TES: variants seen among roughly 807,000 people sequenced by gnomAD.
TES encodes testin LIM domain protein, also known as testin.
Under a neutral mutation model 48.2 loss-of-function variants are expected in TES, and 41 were observed. That is an observed-to-expected ratio of 0.85 (90% CI 0.66 to 1.10). The LOEUF (loss-of-function observed/expected upper bound fraction) is 1.10, where lower values mean the gene tolerates loss of function less well. TES is among the 50% of genes least tolerant of loss of function. The pLI, the probability that TES is intolerant of heterozygous loss-of-function variation, is 0.00. For missense variants in TES, 463 were observed against 515.1 expected (o/e 0.90, Z 0.98); for synonymous variants, 162 against 174.9 (o/e 0.93, Z 0.58).
In TES at chr7:116,249,243, T is replaced by TGG; in HGVS notation, c.339_340dup (p.Ala114GlyfsTer25). On this transcript the variant is annotated frameshift_variant, in exon 3 of 7. Transcript: ENST00000358204. LOFTEE classifies it high-confidence loss of function. The stretch of plus-strand genomic sequence containing the variant: ...CTCCATCAATACAGTTACCTATGAG[T>TGG]GGGCTCCTCCTGTCCAGAATCAAGC... The TGG allele has an allele frequency of 6.2e-7, 1 of 1,614,092 alleles. No homozygotes were observed. The highest frequency in any genetic ancestry group is 8.5e-7 in the Non-Finnish European group (1 of 1,179,972).
chr7:116,228,493 CAT>C lies in TES; in HGVS notation c.28-6040_28-6039del, dbSNP rs554040447. Among the ~76,000 whole-genome samples the C allele has an allele frequency of 5.5e-4, 83 of 152,266 alleles. No individual in the cohort carries two copies. The South Asian group carries it at 5.6e-3, about 10-fold the overall frequency. On this transcript the variant is annotated intron_variant, in intron 1 of 6. Transcript: ENST00000358204. ...TTGAGACTTGTGCGCTTATGAAAAA[CAT>C]GTGTTTTTAGGCACTAAGTGTTGAG... is the stretch of plus-strand genomic sequence containing the variant.
intron 2 of TES, chr7:116,239,191 G>A (rs1799811922): frequency 6.6e-6 from 1 of 152,122 alleles, no homozygotes. Context: ...CATCTTCAAA[G>A]CCAGCACCAC....
intron 1 of TES, among the ~76,000 whole-genome samples, chr7:116,228,320 A>G (rs544243300): frequency 1.3e-5 from 2 of 152,204 alleles, no homozygotes; most frequent in Non-Finnish European, 2.9e-5. Context: ...CTTGATAGAT[A>G]GTCCCAAAGC....
At chr7:116,231,818 T>A (rs1203445525) in intron 1 of TES, among the ~76,000 whole-genome samples, 1 of 152,136 alleles carries the variant, frequency 6.6e-6, no homozygotes, top group Non-Finnish European at 1.5e-5. Context: ...TGGTCAGCTG[T>A]GAAGCAGCGC....
At chr7:116,225,640 A>T (rs1284209485) in intron 1 of TES, among the ~76,000 whole-genome samples, 1 of 152,210 alleles carries the variant, frequency 6.6e-6, no homozygotes, top group East Asian at 1.9e-4. Context: ...TTCTGGCTTT[A>T]TACATCTAAG....
intron 1 of TES, chr7:116,222,988 C>G (rs910787419): frequency 2.1e-5 from 21 of 985,000 alleles, no homozygotes; most frequent in Non-Finnish European, 2.4e-5. Context: ...CAGGAGGAGT[C>G]CTTTTCTGAG....
At chr7:116,215,741 G>A (rs1389174404) in intron 1 of TES, among the ~76,000 whole-genome samples, 1 of 152,050 alleles carries the variant, frequency 6.6e-6, no homozygotes, top group Admixed American at 6.6e-5. Flanking sequence ...GATGCTCGTG[G>A]TCTTTTCTCG....
chr7:116,245,537 T>C (rs994514898), intron 2 of TES, among the ~76,000 whole-genome samples: 18 of 152,154 alleles, frequency 1.2e-4, no homozygotes, highest in African/African-American at 4.3e-4. Flanking sequence ...CTTTCCCACA[T>C]CTTCCTGTCT....
chr7:116,249,416 G>T (rs947117717), intron 3 of TES, 144 bp downstream of exon 3: 4 of 984,446 alleles, frequency 4.1e-6, no homozygotes, highest in Non-Finnish European at 4.4e-6. Context: ...TCTGATTCCT[G>T]TTCTAGTCTT....
intron 1 of TES, among the ~76,000 whole-genome samples, chr7:116,229,584 T>C (rs2116589373): frequency 6.6e-6 from 1 of 152,268 alleles, no homozygotes; most frequent in Middle Eastern, 3.4e-3. Flanking sequence ...CCTAAGAAAC[T>C]GTACTTGGGG....
intron 1 of TES, among the ~76,000 whole-genome samples, chr7:116,223,836 G>A (rs928816581): frequency 3.9e-5 from 6 of 152,212 alleles, no homozygotes; most frequent in Admixed American, 1.3e-4. Flanking sequence ...TGTCTGTCTC[G>A]TCACAAATCA....
chr7:116,254,027 T>C (rs1318777560), intron 6 of TES, among the ~76,000 whole-genome samples: 1 of 151,754 alleles, frequency 6.6e-6, no homozygotes, highest in Admixed American at 6.6e-5. Flanking sequence ...CGCTTTGGGG[T>C]TACCATGGTC....
intron 1 of TES, among the ~76,000 whole-genome samples, chr7:116,224,908 TTGAG>T (rs1799603857): frequency 6.6e-6 from 1 of 152,190 alleles, no homozygotes; most frequent in South Asian, 2.1e-4. Flanking sequence ...TGCATAGAGT[TTGAG>T]TGAGAAATGC....
intron 1 of TES, among the ~76,000 whole-genome samples, chr7:116,227,307 A>G (rs1799636218): frequency 6.6e-6 from 1 of 150,898 alleles, no homozygotes; most frequent in Non-Finnish European, 1.5e-5. Flanking sequence ...TTTTTTTAGT[A>G]GAAACGGGGT....
At chr7:116,220,933 C>T (rs112138453) in intron 1 of TES, among the ~76,000 whole-genome samples, 8,247 of 152,216 alleles carry the variant, frequency 0.054, 284 homozygotes, top group Non-Finnish European at 0.083. Flanking sequence ...TGGTAATCCT[C>T]TTCAAGAAAT....
chr7:116,210,764 T>C (rs760174118), intron 1 of TES, 30 bp downstream of exon 1: 2 of 1,237,144 alleles, frequency 1.6e-6, no homozygotes, highest in East Asian at 3.3e-5. Context: ...GGGCGGCGGC[T>C]GCTTCACCTG....
At chr7:116,231,527 C>T (rs139827500) in intron 1 of TES, among the ~76,000 whole-genome samples, 1 of 152,232 alleles carries the variant, frequency 6.6e-6, no homozygotes, top group African/African-American at 2.4e-5. Flanking sequence ...TACATTGCTT[C>T]AGTCTGGAAA....
In TES at chr7:116,216,789, T is replaced by C. The variant is rs115304701; in HGVS notation, c.27+6055T>C. The stretch of plus-strand genomic sequence containing the variant: ...AAGTTTAATTAATTTAAATCTGTAG[T>C]ATAAGGCTCTGAAGGCTGTAATAGT... On this transcript the variant is annotated intron_variant, in intron 1 of 6. Coordinates refer to ENST00000358204, the MANE Select transcript of TES (RefSeq NM_015641.4). Among the ~76,000 whole-genome samples the C allele has an allele frequency of 3.3e-3, 509 of 152,244 alleles. 3 individuals are homozygous for C. Among genetic ancestry groups the C allele is most frequent in the African/African-American group, 0.012 (484 of 41,556 alleles).
Position 116,251,640 on chromosome 7 carries a change from A to C in TES, c.703-120A>C, listed in dbSNP as rs1302825570. The C allele has an allele frequency of 3.4e-5, 30 of 895,342 alleles. No homozygotes were observed. The Admixed American group carries it at 6.1e-4, about 18-fold the overall frequency. The allele number at this position is 895,342 out of a possible 1,614,324, so 55.5% of individuals were successfully genotyped here. ...GGAGCTTGCAATGAGCCGAGATAGC[A>C]CCACTGGACTCCAGCCTGGGCGACA... On this transcript the variant is annotated intron_variant, in intron 4 of 6. Transcript: ENST00000358204.
Sources: gnomAD v4.1 joint callset for allele counts (sites outside exome capture counted in the v4.1 genomes callset) on GRCh38, gnomAD v4.1.1 for gene constraint, MANE v1.5 for transcripts, NCBI Gene and HGNC (gene_info 2026-07-23, HGNC 2026-07-21) for gene names.